The following SHROOM3 variants were observed in gnomAD, a reference collection of about 807,000 sequenced individuals.
SHROOM3 encodes the protein shroom family member 3.
Under a neutral mutation model 138.6 loss-of-function variants are expected in SHROOM3, and 47 were observed. The observed-to-expected ratio is 0.34, with a 90% CI of 0.27 to 0.43. The LOEUF is 0.43. SHROOM3 is among the 20% of genes least tolerant of loss of function. SHROOM3 has a pLI of 1.00. For missense variants in SHROOM3, 2,491 were observed against 2,596.5 expected (o/e 0.96, Z 0.88); for synonymous variants, 1,062 against 1,063.3 (o/e 1.00, Z 0.02).
intron 2 of SHROOM3, among the ~76,000 whole-genome samples, chr4:76,557,604 T>C (rs1206643853): frequency 6.6e-6 from 1 of 152,172 alleles, no homozygotes; most frequent in Non-Finnish European, 1.5e-5. Context: ...TGAGAATAGA[T>C]CTTAAGTGTC....
intron 6 of SHROOM3, among the ~76,000 whole-genome samples, chr4:76,753,398 C>A (rs1367112206): frequency 6.6e-6 from 1 of 152,184 alleles, no homozygotes; most frequent in Non-Finnish European, 1.5e-5. Flanking sequence ...GACTGAGTCA[C>A]CACTCCCTCA....
chr4:76,449,381 A>G (rs1032355868), intron 1 of SHROOM3, among the ~76,000 whole-genome samples: 3 of 152,228 alleles, frequency 2.0e-5, no homozygotes, highest in African/African-American at 7.2e-5. Context: ...TGACAATATA[A>G]TGTGGTAATG....
intron 1 of SHROOM3, among the ~76,000 whole-genome samples, chr4:76,444,757 G>A (rs951705630): frequency 3.3e-4 from 50 of 151,942 alleles, no homozygotes; most frequent in Non-Finnish European, 4.0e-4. Flanking sequence ...GCCTCCCAAA[G>A]TACTGGGATT....
intron 2 of SHROOM3, among the ~76,000 whole-genome samples, chr4:76,619,830 G>GGCGGGTGGATCACCTGAGGTCA (rs1734958507): frequency 6.6e-6 from 1 of 152,136 alleles, no homozygotes; most frequent in Admixed American, 6.5e-5. Context: ...GGGAGGCCGA[G>GGCGGGTGGATCACCTGAGGTCA]GCGGGTGGAT....
intron 2 of SHROOM3, among the ~76,000 whole-genome samples, chr4:76,598,068 C>T (rs937728593): frequency 4.6e-5 from 7 of 150,588 alleles, no homozygotes; most frequent in African/African-American, 1.7e-4. Context: ...CTCTGTTGCC[C>T]AGGCTGGGGT....
chr4:76,615,299 C>T (rs1450087975), intron 2 of SHROOM3, among the ~76,000 whole-genome samples: 1 of 152,222 alleles, frequency 6.6e-6, no homozygotes, highest in African/African-American at 2.4e-5. Context: ...AGTCTTAATA[C>T]ACCGTGTTAC....
intron 2 of SHROOM3, among the ~76,000 whole-genome samples, chr4:76,574,967 C>A (rs892423399): frequency 2.0e-5 from 3 of 152,212 alleles, no homozygotes; most frequent in African/African-American, 7.2e-5. Context: ...ACCAGCAAAC[C>A]AAATTCAATA....
chr4:76,605,321 C>T (rs555190615), intron 2 of SHROOM3, among the ~76,000 whole-genome samples: 8 of 151,988 alleles, frequency 5.3e-5, no homozygotes, highest in Non-Finnish European at 1.2e-4. Context: ...ACATACAGCC[C>T]GGAAGAGGAT....
At chr4:76,483,830 ATGTCCTT>A (rs1731671025) in intron 1 of SHROOM3, among the ~76,000 whole-genome samples, 1 of 152,234 alleles carries the variant, frequency 6.6e-6, no homozygotes, top group African/African-American at 2.4e-5. Context: ...GGATGAGTTA[ATGTCCTT>A]TGCAGGGGCA....
intron 1 of SHROOM3, among the ~76,000 whole-genome samples, chr4:76,535,630 A>G (rs995148494): frequency 1.3e-4 from 20 of 152,206 alleles, no homozygotes; most frequent in African/African-American, 4.8e-4. Flanking sequence ...CAGCTATTTT[A>G]TTGAAGTAAT....
At position 76,520,771 on chromosome 4, in the gene SHROOM3, C is replaced by T. The variant is rs1231209266; in HGVS notation, c.169-34838C>T. Among the ~76,000 whole-genome samples the T allele has an allele frequency of 2.6e-5, 4 of 152,180 alleles. No individual in the cohort carries two copies. The East Asian group carries it at 7.7e-4, about 29-fold the overall frequency. On this transcript the variant is annotated intron_variant, in intron 1 of 10. Transcript: ENST00000296043. ...AGTTTTCATTAGCCACATGCTACACCTCCTTCTAAACATTGACGCAAAGAG... is the reference window on the plus strand; with the variant it reads ...AGTTTTCATTAGCCACATGCTACACTTCCTTCTAAACATTGACGCAAAGAG...
At chr4:76,481,198 G>T (rs1380551023) in intron 1 of SHROOM3, among the ~76,000 whole-genome samples, 1 of 152,054 alleles carries the variant, frequency 6.6e-6, no homozygotes, top group Non-Finnish European at 1.5e-5. Context: ...CCAGAAGCTG[G>T]TTTTTTGAAA....
At chr4:76,486,307 C>T (rs1303680677) in intron 1 of SHROOM3, among the ~76,000 whole-genome samples, 4 of 152,156 alleles carry the variant, frequency 2.6e-5, no homozygotes, top group African/African-American at 9.7e-5. Flanking sequence ...AATGTGCAGA[C>T]AAAAGATTAT....
intron 2 of SHROOM3, among the ~76,000 whole-genome samples, chr4:76,572,226 G>A (rs1733847789): frequency 6.6e-6 from 1 of 152,142 alleles, no homozygotes; most frequent in African/African-American, 2.4e-5. Flanking sequence ...CATACAACGG[G>A]AATAATAAAG....
intron 10 of SHROOM3, among the ~76,000 whole-genome samples, chr4:76,775,822 C>G (rs527813956): frequency 6.6e-6 from 1 of 151,670 alleles, no homozygotes; most frequent in South Asian, 2.1e-4. Flanking sequence ...TATATACACA[C>G]ACACACACAC....
chr4:76,518,429 G>A (rs34044996), intron 1 of SHROOM3, among the ~76,000 whole-genome samples: 25,390 of 151,852 alleles, frequency 0.17, 2,471 homozygotes, highest in African/African-American at 0.25. Context: ...TCTCATTAAT[G>A]GACAGGGTTT....
At chr4:76,547,799 G>A (rs556334195) in intron 1 of SHROOM3, among the ~76,000 whole-genome samples, 4 of 152,090 alleles carry the variant, frequency 2.6e-5, no homozygotes, top group East Asian at 1.9e-4. Context: ...ATGTGGTAGC[G>A]TGCGCCTATA....
At chr4:76,748,102 T>G (rs1721501962) in intron 5 of SHROOM3, among the ~76,000 whole-genome samples, 1 of 152,178 alleles carries the variant, frequency 6.6e-6, no homozygotes. Context: ...GCTGCAATTA[T>G]TAATAATGTT....
At chr4:76,463,572 A>T (rs1311958323) in intron 1 of SHROOM3, among the ~76,000 whole-genome samples, 2 of 152,224 alleles carry the variant, frequency 1.3e-5, no homozygotes, top group Non-Finnish European at 2.9e-5. Flanking sequence ...AATAGCCAAG[A>T]CAATGGGGAA....
Sources: gnomAD v4.1 joint callset for allele counts (sites outside exome capture counted in the v4.1 genomes callset) on GRCh38, gnomAD v4.1.1 for gene constraint, MANE v1.5 for transcripts, NCBI Gene and HGNC (gene_info 2026-07-23, HGNC 2026-07-21) for gene names.